The following TACC2 variants were observed in gnomAD, a reference collection of about 807,000 sequenced individuals.
TACC2 encodes the protein transforming acidic coiled-coil containing protein 2.
A neutral mutation model predicts 227.3 loss-of-function variants in TACC2; 137 were observed. The ratio of observed to expected loss-of-function variants is 0.60; its 90% CI spans 0.52 to 0.69. The LOEUF (loss-of-function observed/expected upper bound fraction) is 0.69. Ranked by LOEUF, TACC2 falls within the 30% of genes least tolerant of loss-of-function variation. TACC2 has a pLI of 0.00. For synonymous variants in TACC2, 1,523 were observed against 1,487.5 expected (o/e 1.02, Z -0.55); for missense variants, 3,470 against 3,694.4 (o/e 0.94, Z 1.57).
intron 1 of TACC2, among the ~76,000 whole-genome samples, chr10:122,004,227 G>A (rs144945238): frequency 0.011 from 1,747 of 151,958 alleles, 41 homozygotes; most frequent in African/African-American, 0.04. Context: ...GTGAAAACCC[G>A]TCTCTACTAA....
At chr10:122,088,335 G>C (rs2080315422) in intron 4 of TACC2, 143 bp from the exon 5 acceptor site, 1 of 722,444 alleles carries the variant, frequency 1.4e-6, no homozygotes, top group South Asian at 2.0e-5. Flanking sequence ...TATTTAGTCA[G>C]GGGGCCCTTT....
intron 7 of TACC2, among the ~76,000 whole-genome samples, chr10:122,189,262 C>A (rs372597096): frequency 6.6e-6 from 1 of 152,134 alleles, no homozygotes; most frequent in East Asian, 1.9e-4. Context: ...ATCTAGCATG[C>A]GCAGTTTCAA....
chr10:122,053,395 C>T (rs1286527950), intron 3 of TACC2, among the ~76,000 whole-genome samples: 4 of 151,956 alleles, frequency 2.6e-5, no homozygotes, highest in South Asian at 2.1e-4. Context: ...AGGTCCCTCC[C>T]GCAACACGTG....
chr10:122,054,956 A>G (rs544291840), intron 3 of TACC2, among the ~76,000 whole-genome samples: 3 of 152,266 alleles, frequency 2.0e-5, no homozygotes, highest in African/African-American at 7.2e-5. Context: ...ATGGTGGCTC[A>G]CGTCTGTAAT....
At position 122,210,820 on chromosome 10, in the gene TACC2, C is replaced by T. The variant is rs202246830; in HGVS notation, c.6395C>T (p.Pro2132Leu). The change falls in exon 9 of 23, where the codon CCG (proline) becomes CTG (leucine). Residue 2132 changes from proline to leucine, a missense_variant. Physicochemically the swap from Pro to Leu is moderately conservative, Grantham distance 98. This residue lies in a region of TACC2 where 593 missense variants were observed against 636.6 expected (regional missense o/e 0.93). Transcript: ENST00000369005. This position sits in a 1 kb window ranked among gnomAD's most constrained non-coding sequence, Gnocchi z 4.6. ...STLKRTKKPR[P>L]PSLKKKQTTK... is the part of the protein sequence containing the mutation. ...CTTAAGCGAACTAAAAAACCGAGGC[C>T]GCCTTCCTTAAAAAAGAAACAGACC... is the stretch of plus-strand genomic sequence containing the variant. 47 of 1,611,786 alleles carry T rather than the reference C, an allele frequency of 2.9e-5. No individual in the cohort carries two copies. The highest frequency in any genetic ancestry group is 2.0e-4 in the East Asian group (9 of 44,864).
chr10:122,097,609 G>C (rs1356544953), intron 5 of TACC2, among the ~76,000 whole-genome samples: 1 of 151,662 alleles, frequency 6.6e-6, no homozygotes, highest in African/African-American at 2.4e-5. Context: ...CTGAGGATGA[G>C]ATCAAGCTGG....
intron 18 of TACC2, among the ~76,000 whole-genome samples, chr10:122,240,828 A>C (rs886101166): frequency 6.6e-6 from 1 of 152,196 alleles, no homozygotes; most frequent in Non-Finnish European, 1.5e-5. Flanking sequence ...ACGTCTTCAC[A>C]CATCAGTCCT....
At chr10:122,245,642 T>C (rs1452586996) in intron 19 of TACC2, among the ~76,000 whole-genome samples, 1 of 152,186 alleles carries the variant, frequency 6.6e-6, no homozygotes, top group Non-Finnish European at 1.5e-5. Flanking sequence ...TTGGCGATTC[T>C]ATGTTAAAAA....
intron 2 of TACC2, among the ~76,000 whole-genome samples, chr10:122,040,938 G>T (rs1454993687): frequency 6.6e-6 from 1 of 152,158 alleles, no homozygotes; most frequent in Non-Finnish European, 1.5e-5. Context: ...CAGCAGACAC[G>T]CCTCCCCCAG....
Position 122,090,750 on chromosome 10 carries a change from A to G in TACC2, c.5573+2159A>G, listed in dbSNP as rs535279942. 4.3e-4 allele frequency among the ~76,000 whole-genome samples: 66 copies of G among 151,768 alleles called. 2 individuals carry two copies. In the South Asian group the frequency reaches 0.014, roughly 31 times the overall value. On this transcript the variant is annotated intron_variant, in intron 5 of 22. Transcript: ENST00000369005. ...TCCTTAAAAAATTATTTATTTATTC[A>G]TGTATTTATTTATTTTTAGACAGGG...
intron 1 of TACC2, among the ~76,000 whole-genome samples, chr10:122,020,244 A>C (rs760425800): frequency 1.3e-5 from 2 of 152,184 alleles, no homozygotes; most frequent in Non-Finnish European, 2.9e-5. Context: ...TTCCAAATGA[A>C]CATAAAAAAT....
chr10:122,241,887 G>C, intron 18 of TACC2, 71 bp from the exon 19 acceptor site: 7 of 1,429,776 alleles, frequency 4.9e-6, no homozygotes, highest in Non-Finnish European at 6.9e-6. Context: ...GTCAGGCTGT[G>C]GCGTCCAGCT....
At chr10:122,250,542 T>C (rs7071640) in intron 22 of TACC2, among the ~76,000 whole-genome samples, 152,174 of 152,328 alleles carry the variant, frequency 1, 76,010 homozygotes, top group Middle Eastern at 1. Context: ...GGGGATTGGC[T>C]GTCCTCCTTT....
intron 3 of TACC2, among the ~76,000 whole-genome samples, chr10:122,081,959 G>A (rs1469348381): frequency 6.6e-6 from 1 of 152,110 alleles, no homozygotes; most frequent in East Asian, 1.9e-4. Context: ...AGGGGTGCTG[G>A]AGACCTGCCT....
intron 22 of TACC2, among the ~76,000 whole-genome samples, chr10:122,252,388 G>A (rs540272793): frequency 6.6e-6 from 1 of 152,196 alleles, no homozygotes; most frequent in African/African-American, 2.4e-5. Flanking sequence ...TGCCTGGGAT[G>A]TCTTCAGCAT....
At chr10:122,137,524 A>G (rs2089898128) in intron 6 of TACC2, among the ~76,000 whole-genome samples, 1 of 152,098 alleles carries the variant, frequency 6.6e-6, no homozygotes, top group South Asian at 2.1e-4. Flanking sequence ...CTGCTGTACC[A>G]CTATGTATTA....
intron 7 of TACC2, among the ~76,000 whole-genome samples, chr10:122,189,349 C>T (rs1034038145): frequency 5.9e-5 from 9 of 152,158 alleles, no homozygotes; most frequent in Admixed American, 2.0e-4. Context: ...GATCTGTCGC[C>T]GAGGGCTCAG....
intron 8 of TACC2, among the ~76,000 whole-genome samples, chr10:122,196,515 G>GGGC (rs1325102279): frequency 6.6e-6 from 1 of 152,126 alleles, no homozygotes; most frequent in Non-Finnish European, 1.5e-5. Flanking sequence ...AGAGCCAGGA[G>GGGC]GGCTGTCTGT....
chr10:122,083,708 T>C lies in TACC2; in HGVS notation c.1208T>C (p.Val403Ala). The change falls in exon 4 of 23, where the codon GTG becomes GCG. Residue 403 changes from valine to alanine, a missense_variant. This residue lies in a region of TACC2 where 1,924 missense variants were observed against 1,978.3 expected (regional missense o/e 0.97). Transcript: ENST00000369005. Reference sequence around the variant, plus strand: ...GGCCAGCCCGAAGGGGGTTTGCCTGTGAGCCCTGAACCTTCCCTGCTCACT... The same window carrying C: ...GGCCAGCCCGAAGGGGGTTTGCCTGCGAGCCCTGAACCTTCCCTGCTCACT... Reference protein sequence around the residue: ...AGGQPEGGLPVSPEPSLLTPT... With the variant: ...AGGQPEGGLPASPEPSLLTPT... 2 of 1,613,706 alleles carry C rather than the reference T, an allele frequency of 1.2e-6. No homozygotes were observed. Among genetic ancestry groups the C allele is most frequent in the Non-Finnish European group, 1.7e-6 (2 of 1,180,038 alleles).
Sources: allele counts gnomAD v4.1 joint callset (sites outside exome capture counted in the v4.1 genomes callset), GRCh38; gene constraint gnomAD v4.1.1; regional missense constraint gnomAD v4.1.1; non-coding constraint Gnocchi (gnomAD v3.1); transcripts MANE v1.5; gene names NCBI Gene and HGNC (gene_info 2026-07-23, HGNC 2026-07-21).